PRKN: variants seen among roughly 807,000 people sequenced by gnomAD.
PRKN encodes the protein E3 ubiquitin-protein ligase parkin.
A neutral mutation model predicts 59.5 loss-of-function variants in PRKN; 56 were observed. The ratio of observed to expected loss-of-function variants is 0.94; its 90% confidence interval spans 0.76 to 1.18. PRKN has a LOEUF of 1.18. PRKN is among the 50% of genes most tolerant of loss of function. The probability of loss-of-function intolerance (pLI) is 0.00; values close to 1 mark genes in which losing one functional copy is unlikely to be tolerated. For missense variants in PRKN, 657 were observed against 596.4 expected (o/e 1.10, Z -1.06); for synonymous variants, 250 against 222.1 (o/e 1.13, Z -1.12).
intron 5 of PRKN, among the ~76,000 whole-genome samples, chr6:161,977,819 T>C (rs1479073528): frequency 3.3e-5 from 5 of 151,288 alleles, no homozygotes; most frequent in Non-Finnish European, 5.9e-5. Context: ...AGTGTTGGGA[T>C]TGTACAGGTG....
chr6:162,412,746 C>G (rs1788411901), intron 2 of PRKN, among the ~76,000 whole-genome samples: 3 of 151,834 alleles, frequency 2.0e-5, no homozygotes, highest in Non-Finnish European at 2.9e-5. Flanking sequence ...TTATCACCAA[C>G]AAGAAAAAAA....
chr6:161,421,938 T>C (rs544272244), intron 9 of PRKN, among the ~76,000 whole-genome samples: 29 of 152,282 alleles, frequency 1.9e-4, no homozygotes, highest in Middle Eastern at 3.4e-3. Flanking sequence ...TTAGTGAATT[T>C]CAGAAGTAAA....
chr6:162,642,827 T>C (rs1778013832), intron 1 of PRKN, among the ~76,000 whole-genome samples: 1 of 152,080 alleles, frequency 6.6e-6, no homozygotes, highest in Admixed American at 6.5e-5. Context: ...TCTGTAAGAA[T>C]ATTTTAAGTC....
Position 161,557,859 on chromosome 6 carries a change from C to T in PRKN, c.934-8856G>A, listed in dbSNP as rs371870289. 1.3e-4 allele frequency among the ~76,000 whole-genome samples: 20 copies of T among 152,226 alleles called. No individual in the cohort carries two copies. The East Asian group carries it at 3.7e-3, about 28-fold the overall frequency. On this transcript the variant is annotated intron_variant, in intron 8 of 11. Transcript: ENST00000366898. ...GATTTTGTGCTGTCATAGTGTTTCCCAGAGTATCCTTTTGGGGGCACTCAG... is the reference window on the plus strand; with the variant it reads ...GATTTTGTGCTGTCATAGTGTTTCCTAGAGTATCCTTTTGGGGGCACTCAG...
At chr6:162,410,543 C>A (rs1172698784) in intron 2 of PRKN, among the ~76,000 whole-genome samples, 1 of 152,152 alleles carries the variant, frequency 6.6e-6, no homozygotes, top group Non-Finnish European at 1.5e-5. Context: ...TGAAAAGCCT[C>A]CTTTTGTTTT....
chr6:162,574,776 T>C (rs991687350), intron 1 of PRKN, among the ~76,000 whole-genome samples: 26 of 152,038 alleles, frequency 1.7e-4, no homozygotes, highest in Non-Finnish European at 3.8e-4. Flanking sequence ...TGTTTTTTTT[T>C]TTTGCTGATT....
At chr6:162,437,602 C>T (rs538921062) in intron 2 of PRKN, among the ~76,000 whole-genome samples, 1 of 152,264 alleles carries the variant, frequency 6.6e-6, no homozygotes, top group African/African-American at 2.4e-5. Flanking sequence ...CCCTTCAGAA[C>T]TGCTGGGAAG....
At chr6:161,866,879 T>C (rs2128225839) in intron 6 of PRKN, among the ~76,000 whole-genome samples, 1 of 152,296 alleles carries the variant, frequency 6.6e-6, no homozygotes, top group Non-Finnish European at 1.5e-5. Context: ...GGCCTCAGTT[T>C]GTTTTCTCTC....
intron 4 of PRKN, among the ~76,000 whole-genome samples, chr6:162,058,674 C>T (rs528040670): frequency 3.9e-5 from 6 of 152,168 alleles, no homozygotes; most frequent in East Asian, 1.9e-4. Context: ...ACTAATAGGC[C>T]GGGCATGGTG....
At chr6:162,087,725 C>G (rs533816151) in intron 4 of PRKN, among the ~76,000 whole-genome samples, 134 of 150,494 alleles carry the variant, frequency 8.9e-4, no homozygotes, top group Middle Eastern at 3.4e-3. Context: ...TCCTGAGTAG[C>G]TGGGATTACA....
intron 2 of PRKN, among the ~76,000 whole-genome samples, chr6:162,443,000 A>G (rs1169593616): frequency 2.0e-5 from 3 of 152,170 alleles, no homozygotes; most frequent in Non-Finnish European, 2.9e-5. Flanking sequence ...TAAGGTAGAA[A>G]TTGAACAGAC....
At chr6:162,230,995 G>T (rs1778399117) in intron 3 of PRKN, among the ~76,000 whole-genome samples, 1 of 152,180 alleles carries the variant, frequency 6.6e-6, no homozygotes, top group Non-Finnish European at 1.5e-5. Context: ...TGGACTGATG[G>T]TTCCTGTACG....
intron 10 of PRKN, among the ~76,000 whole-genome samples, chr6:161,383,491 T>C (rs1161698217): frequency 1.3e-5 from 2 of 152,206 alleles, no homozygotes; most frequent in African/African-American, 2.4e-5. Context: ...GTATGGCCCA[T>C]GGGAGACATT....
intron 1 of PRKN, among the ~76,000 whole-genome samples, chr6:162,579,473 T>C (rs1007370324): frequency 6.6e-6 from 1 of 151,492 alleles, no homozygotes; most frequent in Admixed American, 6.6e-5. Context: ...TTCACACACA[T>C]ATCCAGACTC....
chr6:162,148,617 C>T (rs1319149035), intron 4 of PRKN, among the ~76,000 whole-genome samples: 1 of 151,754 alleles, frequency 6.6e-6, no homozygotes, highest in African/African-American at 2.4e-5. Flanking sequence ...AACAAACAAA[C>T]AGTGACCACA....
chr6:161,443,105 C>T (rs574515298), intron 9 of PRKN, among the ~76,000 whole-genome samples: 68 of 151,970 alleles, frequency 4.5e-4, no homozygotes, highest in Middle Eastern at 3.2e-3. Flanking sequence ...GTCGGGAGTT[C>T]GAGGCCAGCC....
chr6:162,387,553 CACAG>C (rs1204461940), intron 2 of PRKN, among the ~76,000 whole-genome samples: 180 of 80,222 alleles, frequency 2.2e-3, no homozygotes, highest in Non-Finnish European at 2.7e-3. Context: ...CACACACACA[CACAG>C]AGAGAGAGAG....
intron 2 of PRKN, among the ~76,000 whole-genome samples, chr6:162,315,759 T>G (rs2128119666): frequency 1.3e-5 from 2 of 152,334 alleles, no homozygotes; most frequent in Non-Finnish European, 2.9e-5. Flanking sequence ...AAACTGCAGA[T>G]GCCAACTGTC....
At chr6:162,679,583 A>AT (rs1445847149) in intron 1 of PRKN, among the ~76,000 whole-genome samples, 5 of 152,110 alleles carry the variant, frequency 3.3e-5, no homozygotes, top group Non-Finnish European at 5.9e-5. Flanking sequence ...GAAAAAGGAC[A>AT]TTTTTTCTAA....
Sources: allele counts gnomAD v4.1 joint callset (sites outside exome capture counted in the v4.1 genomes callset), GRCh38; gene constraint gnomAD v4.1.1; transcripts MANE v1.5; gene names NCBI Gene and HGNC (gene_info 2026-07-23, HGNC 2026-07-21).